HPCAL1: variants seen among roughly 807,000 people sequenced by gnomAD.
The protein encoded by HPCAL1 is hippocalcin like 1, also known as hippocalcin-like protein 1.
In HPCAL1, 8 loss-of-function variants were observed where a neutral mutation model predicts 17.1. That is an observed-to-expected ratio of 0.47 (90% CI 0.27 to 0.84). The LOEUF (loss-of-function observed/expected upper bound fraction) is 0.84. Ranked by LOEUF, HPCAL1 falls within the 40% of genes least tolerant of loss-of-function variation. HPCAL1 has a pLI of 0.13. For synonymous variants in HPCAL1, 112 were observed against 111.4 expected (o/e 1.01, Z -0.03); for missense variants, 165 against 271.1 (o/e 0.61, Z 2.75).
chr2:10,349,272 A>G (rs920623074), intron 1 of HPCAL1, among the ~76,000 whole-genome samples: 4 of 152,204 alleles, frequency 2.6e-5, no homozygotes, highest in African/African-American at 9.6e-5. Flanking sequence ...GGTAAGAAGG[A>G]GACAAAAAAT....
At chr2:10,305,993 C>T (rs1662598848) in intron 1 of HPCAL1, among the ~76,000 whole-genome samples, 1 of 152,236 alleles carries the variant, frequency 6.6e-6, no homozygotes. Context: ...GCATGCCCTG[C>T]TGAGTGTGCG....
Position 10,359,559 on chromosome 2 carries a change from G to C in HPCAL1, c.-110-37276G>C, listed in dbSNP as rs1426106435. Among the ~76,000 whole-genome samples the C allele has an allele frequency of 6.6e-6, 1 of 152,210 alleles. No homozygotes were observed. Among genetic ancestry groups the C allele is most frequent in the Admixed American group, 6.5e-5 (1 of 15,286 alleles). Reference sequence around the variant, plus strand: ...GTCCCTCGGGGACCCCACTTCCCAGGTGGCCTGGAGGATGAAGTCAGGGCT... The same window carrying C: ...GTCCCTCGGGGACCCCACTTCCCAGCTGGCCTGGAGGATGAAGTCAGGGCT... On this transcript the variant is annotated intron_variant, in intron 1 of 4. Coordinates refer to ENST00000307845, the MANE Select transcript of HPCAL1 (RefSeq NM_002149.4). This position sits in a 1 kb window ranked among gnomAD's most constrained non-coding sequence, Gnocchi z 4.1.
At chr2:10,364,219 C>T (rs969527562) in intron 1 of HPCAL1, among the ~76,000 whole-genome samples, 9 of 152,174 alleles carry the variant, frequency 5.9e-5, no homozygotes, top group African/African-American at 7.2e-5. Context: ...TGCCTGGGGT[C>T]GAGTGTGGGA....
At chr2:10,381,795 AG>A (rs1378576516) in intron 1 of HPCAL1, among the ~76,000 whole-genome samples, 3 of 152,244 alleles carry the variant, frequency 2.0e-5, no homozygotes, top group Non-Finnish European at 4.4e-5. Context: ...GTGAAGCCAC[AG>A]GAAGCCTCAC....
chr2:10,318,097 A>G (rs932563816), intron 1 of HPCAL1, among the ~76,000 whole-genome samples: 7 of 152,170 alleles, frequency 4.6e-5, no homozygotes, highest in African/African-American at 1.4e-4. Context: ...ATTTGTGCAT[A>G]TTCTTGGGTC....
At chr2:10,333,430 A>T (rs1015531128) in intron 1 of HPCAL1, among the ~76,000 whole-genome samples, 4 of 152,154 alleles carry the variant, frequency 2.6e-5, no homozygotes, top group Admixed American at 6.5e-5. Context: ...GGTGGGCTGC[A>T]GCCTCTTGGC....
chr2:10,322,338 G>A (rs1663719300), intron 1 of HPCAL1, among the ~76,000 whole-genome samples: 1 of 152,196 alleles, frequency 6.6e-6, no homozygotes, highest in South Asian at 2.1e-4. Flanking sequence ...TTTAAATAGG[G>A]TGGTCAGAGA....
At chr2:10,349,040 G>C (rs940197992) in intron 1 of HPCAL1, among the ~76,000 whole-genome samples, 1 of 152,176 alleles carries the variant, frequency 6.6e-6, no homozygotes, top group Non-Finnish European at 1.5e-5. Flanking sequence ...ATTGTTTTAT[G>C]TTGTTCCTTT....
intron 1 of HPCAL1, among the ~76,000 whole-genome samples, chr2:10,353,559 T>C (rs895244163): frequency 4.6e-5 from 7 of 152,118 alleles, no homozygotes; most frequent in Non-Finnish European, 8.8e-5. Flanking sequence ...CTGGGCAGGT[T>C]TCTTTTTAAA....
chr2:10,305,019 C>T (rs1454506629), intron 1 of HPCAL1, among the ~76,000 whole-genome samples: 2 of 152,260 alleles, frequency 1.3e-5, no homozygotes, highest in African/African-American at 4.8e-5. Context: ...TGGTTTCCCT[C>T]GGCCGAGACT....
chr2:10,390,717 G>A (rs1346667209), intron 1 of HPCAL1, among the ~76,000 whole-genome samples: 1 of 152,136 alleles, frequency 6.6e-6, no homozygotes, highest in East Asian at 1.9e-4. Flanking sequence ...AGCTTTTCCA[G>A]TACCCTTTCC....
intron 1 of HPCAL1, among the ~76,000 whole-genome samples, chr2:10,324,084 AG>A (rs1663837654): frequency 6.6e-6 from 1 of 152,256 alleles, no homozygotes; most frequent in Non-Finnish European, 1.5e-5. Flanking sequence ...GCTGTTTTCC[AG>A]GGTCCCACTA....
rs748225961 is a variant in HPCAL1 at position 10,367,142 on chromosome 2, A to G, written c.-110-29693A>G. The stretch of plus-strand genomic sequence containing the variant: ...TGGGTGTTCTGTCTGGAGATTTCCC[A>G]TTGCTTTTCCAGTTTATTGTCATCT... On this transcript the variant is annotated intron_variant, in intron 1 of 4. Transcript: ENST00000307845. The surrounding 1 kb of genome is among the most constrained non-coding windows in gnomAD (Gnocchi z 4.4). Among the ~76,000 whole-genome samples the G allele has an allele frequency of 9.2e-5, 14 of 151,796 alleles. No individual in the cohort carries two copies. Among genetic ancestry groups the G allele is most frequent in the Non-Finnish European group, 1.9e-4 (13 of 68,000 alleles).
chr2:10,351,579 G>A (rs1355254266), intron 1 of HPCAL1, among the ~76,000 whole-genome samples: 1 of 152,084 alleles, frequency 6.6e-6, no homozygotes. Flanking sequence ...GCAACATGGC[G>A]AGACCTCTGT....
intron 2 of HPCAL1, among the ~76,000 whole-genome samples, chr2:10,403,111 C>T (rs1284794609): frequency 6.6e-6 from 1 of 152,150 alleles, no homozygotes; most frequent in African/African-American, 2.4e-5. Context: ...TTACCATCTA[C>T]TAAGACAAGA....
intron 1 of HPCAL1, among the ~76,000 whole-genome samples, chr2:10,336,958 G>T (rs570257709): frequency 2.4e-4 from 36 of 152,194 alleles, no homozygotes; most frequent in African/African-American, 8.7e-4. Context: ...TTGTTATGTT[G>T]CCCAGGCTGG....
chr2:10,394,101 C>T lies in HPCAL1; in HGVS notation c.-110-2734C>T, dbSNP rs1209204177. Among the ~76,000 whole-genome samples, 1 of 150,074 alleles carries T rather than the reference C, an allele frequency of 6.7e-6. No individual in the cohort carries two copies. Among genetic ancestry groups the T allele is most frequent in the African/African-American group, 2.5e-5 (1 of 40,394 alleles). On this transcript the variant is annotated intron_variant, in intron 1 of 4. Coordinates refer to ENST00000307845, the MANE Select transcript of HPCAL1 (RefSeq NM_002149.4). The surrounding 1 kb of genome is among the most constrained non-coding windows in gnomAD (Gnocchi z 5.0). The stretch of plus-strand genomic sequence containing the variant: ...CTGCGCTCCAGCCTGGGTGACAGAG[C>T]GAGATCCTGTCTCCTGAAAAACAAA...
intron 2 of HPCAL1, among the ~76,000 whole-genome samples, chr2:10,404,158 C>A (rs1203979172): frequency 6.6e-6 from 1 of 152,130 alleles, no homozygotes; most frequent in Non-Finnish European, 1.5e-5. Flanking sequence ...GGTGGTCTCC[C>A]CAAAAGTTTG....
In HPCAL1 at chr2:10,344,209, G is replaced by T. The variant is rs970006661; in HGVS notation, c.-111+41032G>T. 2.6e-5 allele frequency among the ~76,000 whole-genome samples: 4 copies of T among 152,282 alleles called. No individual in the cohort carries two copies. The highest frequency in any genetic ancestry group is 5.9e-5 in the Non-Finnish European group (4 of 68,028). On this transcript the variant is annotated intron_variant, in intron 1 of 4. Transcript: ENST00000307845. This position sits in a 1 kb window ranked among gnomAD's most constrained non-coding sequence, Gnocchi z 4.9. ...GGCCGCTCCTGGCTCAGAGGACCCTGGGGACGTGGTCTTTGATGCTTGCTT... is the reference window on the plus strand; with the variant it reads ...GGCCGCTCCTGGCTCAGAGGACCCTTGGGACGTGGTCTTTGATGCTTGCTT...
Sources: allele counts gnomAD v4.1 joint callset (sites outside exome capture counted in the v4.1 genomes callset), GRCh38; gene constraint gnomAD v4.1.1; non-coding constraint Gnocchi (gnomAD v3.1); transcripts MANE v1.5; gene names NCBI Gene and HGNC (gene_info 2026-07-23, HGNC 2026-07-21).